EYS: variants seen among roughly 807,000 people sequenced by gnomAD.
The protein encoded by EYS is protein eyes shut homolog.
Under a neutral mutation model 282.1 loss-of-function variants are expected in EYS, and 250 were observed. That is an observed-to-expected ratio of 0.89 (90% CI 0.80 to 0.98). The LOEUF (loss-of-function observed/expected upper bound fraction) is 0.98. Among genes scored for constraint, EYS ranks in the 50% least tolerant of loss-of-function variants. EYS has a pLI of 0.00. For synonymous variants in EYS, 1,355 were observed against 1,282.9 expected, an observed-to-expected ratio of 1.06 and a Z score of -1.20; for missense variants, 4,016 against 3,709.0, an observed-to-expected ratio of 1.08 and a Z score of -2.15.
intron 8 of EYS, among the ~76,000 whole-genome samples, chr6:65,361,509 C>A (rs1483794354): frequency 7.7e-6 from 1 of 130,118 alleles, no homozygotes; most frequent in Non-Finnish European, 1.6e-5. Context: ...TGGTCTGTGT[C>A]TCTCTCTATC....
At chr6:64,789,753 C>A (rs1774130742) in intron 22 of EYS, among the ~76,000 whole-genome samples, 1 of 151,924 alleles carries the variant, frequency 6.6e-6, no homozygotes, top group South Asian at 2.1e-4. Flanking sequence ...TTTAAAGAAT[C>A]CTTGTGTCTT....
intron 29 of EYS, among the ~76,000 whole-genome samples, chr6:64,321,249 A>G (rs954791632): frequency 1.3e-5 from 2 of 151,704 alleles, no homozygotes; most frequent in African/African-American, 2.4e-5. Flanking sequence ...TCTCTCCACT[A>G]TCATGTTTAA....
At chr6:64,438,383 T>C (rs900233707) in intron 27 of EYS, among the ~76,000 whole-genome samples, 3 of 151,788 alleles carry the variant, frequency 2.0e-5, no homozygotes, top group African/African-American at 7.2e-5. Flanking sequence ...AGAGCAAGGA[T>C]ATAATTGCAT....
intron 2 of EYS, among the ~76,000 whole-genome samples, chr6:65,524,906 T>C (rs1767500043): frequency 6.6e-6 from 1 of 152,186 alleles, no homozygotes; most frequent in South Asian, 2.1e-4. Flanking sequence ...TTGAGTGTCA[T>C]GTGAGGGCCT....
intron 39 of EYS, among the ~76,000 whole-genome samples, chr6:63,780,178 T>C (rs1770178717): frequency 6.6e-6 from 1 of 152,228 alleles, no homozygotes; most frequent in East Asian, 1.9e-4. Flanking sequence ...TCCAAGTCTT[T>C]GCTATTGTGA....
chr6:63,765,821 A>C (rs2149658073), intron 40 of EYS, among the ~76,000 whole-genome samples: 1 of 152,074 alleles, frequency 6.6e-6, no homozygotes, highest in South Asian at 2.1e-4. Flanking sequence ...GCCTCTAGTG[A>C]CCATCCTTCT....
At chr6:63,969,937 A>G (rs1766476800) in intron 35 of EYS, among the ~76,000 whole-genome samples, 1 of 152,186 alleles carries the variant, frequency 6.6e-6, no homozygotes, top group African/African-American at 2.4e-5. Context: ...TGAGAGCAGA[A>G]CTTCACAGGC....
chr6:64,128,184 C>A (rs1418924551), intron 31 of EYS, among the ~76,000 whole-genome samples: 2 of 152,132 alleles, frequency 1.3e-5, no homozygotes, highest in Admixed American at 1.3e-4. Context: ...TTTACCTGAG[C>A]AGTACGATCT....
intron 22 of EYS, among the ~76,000 whole-genome samples, chr6:64,765,182 G>C (rs1007277138): frequency 6.6e-6 from 1 of 152,146 alleles, no homozygotes; most frequent in African/African-American, 2.4e-5. Flanking sequence ...AATCATCTCA[G>C]GTTCAAAGTT....
intron 2 of EYS, among the ~76,000 whole-genome samples, chr6:65,579,046 T>C (rs1275218149): frequency 2.0e-5 from 3 of 152,144 alleles, no homozygotes; most frequent in Admixed American, 2.0e-4. Context: ...TCCAGTTACT[T>C]TTGCTCTGAC....
chr6:64,334,388 G>A (rs542416734), intron 29 of EYS, among the ~76,000 whole-genome samples: 17 of 152,192 alleles, frequency 1.1e-4, no homozygotes, highest in African/African-American at 3.9e-4. Context: ...GGTGGAAAAA[G>A]AATCAGAAGA....
intron 26 of EYS, among the ~76,000 whole-genome samples, chr6:64,535,379 A>G (rs1242636153): frequency 6.6e-6 from 1 of 152,170 alleles, no homozygotes; most frequent in Non-Finnish European, 1.5e-5. Flanking sequence ...CAAGTTGAAG[A>G]ACAGAATAAC....
intron 2 of EYS, among the ~76,000 whole-genome samples, chr6:65,506,460 CTTTTTTTTTTTTTTTTTTTTTTTTTTTTT>C (rs58326040): frequency 1.2e-4 from 8 of 64,858 alleles, no homozygotes; most frequent in Admixed American, 9.5e-4. Flanking sequence ...TCCTTCCTTT[CTTTTTTTTTTTTTTTTTTTTTTTTTTTTT>C]TTTTTTTTTT....
chr6:64,058,005 G>A (rs973264974), intron 33 of EYS, among the ~76,000 whole-genome samples: 6 of 152,036 alleles, frequency 3.9e-5, no homozygotes, highest in South Asian at 2.1e-4. Context: ...CTAATTTTTC[G>A]TAGAGACGGG....
At chr6:64,434,388 AC>A (rs1192744530) in intron 28 of EYS, among the ~76,000 whole-genome samples, 1 of 152,140 alleles carries the variant, frequency 6.6e-6, no homozygotes, top group East Asian at 1.9e-4. Flanking sequence ...TATAAGTTTT[AC>A]GATGATTAGA....
chr6:65,383,655 T>G (rs1433238620), intron 8 of EYS, among the ~76,000 whole-genome samples: 1 of 151,784 alleles, frequency 6.6e-6, no homozygotes, highest in Admixed American at 6.6e-5. Flanking sequence ...CATTCTCCCA[T>G]CTACCTCCCT....
chr6:64,398,987 G>T (rs868038689), intron 28 of EYS, among the ~76,000 whole-genome samples: 7 of 151,726 alleles, frequency 4.6e-5, no homozygotes, highest in African/African-American at 1.7e-4. Context: ...TAGCTTCCAG[G>T]AAGCTATTCA....
intron 29 of EYS, among the ~76,000 whole-genome samples, chr6:64,384,397 T>A (rs1180964853): frequency 6.6e-6 from 1 of 152,222 alleles, no homozygotes; most frequent in Non-Finnish European, 1.5e-5. Context: ...AATATAATAG[T>A]ACATGCAATC....
chr6:65,269,390 G>A (rs1187003864), intron 12 of EYS, among the ~76,000 whole-genome samples: 1 of 152,126 alleles, frequency 6.6e-6, no homozygotes, highest in Non-Finnish European at 1.5e-5. Flanking sequence ...GTATAAGGGG[G>A]ATGTCATCTC....
Sources: allele counts gnomAD v4.1 joint callset (sites outside exome capture counted in the v4.1 genomes callset), GRCh38; gene constraint gnomAD v4.1.1; transcripts MANE v1.5; gene names NCBI Gene and HGNC (gene_info 2026-07-23, HGNC 2026-07-21).